SLC7A8: variants seen among roughly 807,000 people sequenced by gnomAD.
The protein encoded by SLC7A8 is solute carrier family 7 member 8.
In SLC7A8, 30 loss-of-function variants were observed where a neutral mutation model predicts 51.2. The ratio of observed to expected loss-of-function variants is 0.59; its 90% CI spans 0.44 to 0.80. SLC7A8 has a LOEUF of 0.80. Among genes scored for constraint, SLC7A8 ranks in the 30% least tolerant of loss-of-function variants. The pLI is 0.00. For missense variants in SLC7A8, 612 were observed against 674.4 expected (o/e 0.91, Z 1.03); for synonymous variants, 257 against 275.8 (o/e 0.93, Z 0.67).
Position 23,126,786 on chromosome 14 carries a change from C to T in SLC7A8, c.*391G>A, listed in dbSNP as rs1008964379. ...AGAATTGCTTGAGCCTGTCCCCCCA[C>T]AATGCAGCTCCTGTGGCCTCTCCTC... On this transcript the variant is annotated 3_prime_UTR_variant, in exon 11 of 11. Coordinates refer to ENST00000316902, the MANE Select transcript of SLC7A8 (RefSeq NM_012244.4). 2 of 250,428 alleles carry T rather than the reference C, an allele frequency of 8.0e-6. No individual in the cohort carries two copies. The highest frequency in any genetic ancestry group is 1.6e-5 in the Non-Finnish European group (2 of 126,592). 15.5% of individuals were successfully genotyped at this position (250,428 alleles called of 1,614,324 possible).
At chr14:23,158,630 C>T (rs2048906300) in intron 3 of SLC7A8, among the ~76,000 whole-genome samples, 1 of 152,250 alleles carries the variant, frequency 6.6e-6, no homozygotes. Flanking sequence ...AGGCGTAAGC[C>T]ACCGCGCCCG....
Position 23,139,426 on chromosome 14 carries a change from C to G in SLC7A8, c.910G>C (p.Val304Leu), listed in dbSNP as rs752867331. The G allele has an allele frequency of 1.2e-6, 2 of 1,613,880 alleles. No homozygotes were observed. The highest frequency in any genetic ancestry group is 1.7e-6 in the Non-Finnish European group (2 of 1,179,922). ...QELLASNAVA[V>L]TFGEKLLGVM... is the part of the protein sequence containing the mutation. ...ACTCTGGGACTTTCATTTCTTACCACAGCGACGGCGTTGGATGCCAGCAGC... is the reference window on the plus strand; with the variant it reads ...ACTCTGGGACTTTCATTTCTTACCAGAGCGACGGCGTTGGATGCCAGCAGC... Residue 304 changes from valine to leucine, a missense_variant and splice_region_variant, in exon 6 of 11, where the codon GTG becomes CTG. Physicochemically the swap from Val to Leu is conservative, Grantham distance 32 (BLOSUM62 1). Coordinates refer to ENST00000316902, the MANE Select transcript of SLC7A8 (RefSeq NM_012244.4).
intron 3 of SLC7A8, among the ~76,000 whole-genome samples, chr14:23,150,752 C>T (rs942131638): frequency 5.3e-5 from 8 of 152,100 alleles, no homozygotes; most frequent in Non-Finnish European, 1.0e-4. Context: ...AGCAGAGTGG[C>T]GGGGAATGGG....
intron 1 of SLC7A8, among the ~76,000 whole-genome samples, chr14:23,181,020 C>A (rs1417452818): frequency 1.3e-5 from 2 of 150,690 alleles, no homozygotes; most frequent in Non-Finnish European, 3.0e-5. Flanking sequence ...GAGCGAGACT[C>A]CGTCTGAACA....
At chr14:23,129,085 C>T (rs2140300172) in intron 9 of SLC7A8, among the ~76,000 whole-genome samples, 1 of 152,264 alleles carries the variant, frequency 6.6e-6, no homozygotes, top group African/African-American at 2.4e-5. Context: ...CCTTTAATTC[C>T]TATCACAGAG....
intron 3 of SLC7A8, among the ~76,000 whole-genome samples, chr14:23,143,829 C>T (rs1038081872): frequency 1.3e-5 from 2 of 152,168 alleles, no homozygotes; most frequent in African/African-American, 4.8e-5. Context: ...CTTCCCCTAC[C>T]TCTACAACCA....
intron 1 of SLC7A8, 52 bp downstream of exon 1, chr14:23,182,712 G>A: frequency 1.3e-6 from 2 of 1,503,652 alleles, no homozygotes; most frequent in African/African-American, 1.4e-5. Flanking sequence ...AGATCTCACA[G>A]GAGGACCACC....
chr14:23,149,637 C>T (rs774553243), intron 3 of SLC7A8, among the ~76,000 whole-genome samples: 20 of 152,170 alleles, frequency 1.3e-4, no homozygotes, highest in Admixed American at 1.2e-3. Context: ...GTGGCCCCAC[C>T]GTGTACTGTC....
intron 3 of SLC7A8, chr14:23,155,260 G>A (rs753119240): frequency 1.2e-4 from 183 of 1,536,054 alleles, no homozygotes; most frequent in Non-Finnish European, 1.5e-4. Flanking sequence ...ACCAGCAGAG[G>A]AGGAGGGTGC....
rs997553163 is a variant in SLC7A8, at chr14:23,165,240, T to C, written c.508+45A>G. On this transcript the variant is annotated intron_variant, in intron 3 of 10. Transcript: ENST00000316902. This position sits in a 1 kb window ranked among gnomAD's most constrained non-coding sequence, Gnocchi z 4.2. ...TTTCTAAAAATAATAATAATAAATA[T>C]AATAAAAGAGGCTGTCTTGCTACCA... The C allele has an allele frequency of 6.6e-7, 1 of 1,506,244 alleles. No individual in the cohort carries two copies. The highest frequency in any genetic ancestry group is 8.9e-7 in the Non-Finnish European group (1 of 1,129,606). 93.3% of individuals were successfully genotyped at this position (1,506,244 alleles called of 1,614,324 possible).
chr14:23,139,596 G>GC (rs756407169), intron 5 of SLC7A8, 49 bp from the exon 6 acceptor site: 47 of 1,584,194 alleles, frequency 3.0e-5, no homozygotes, highest in Non-Finnish European at 4.0e-5. Context: ...CGGGACACCC[G>GC]CCTTGCCATG....
chr14:23,156,003 C>CTT (rs556425559), intron 3 of SLC7A8, among the ~76,000 whole-genome samples: 10,830 of 145,396 alleles, frequency 0.074, 821 homozygotes, highest in African/African-American at 0.19. Flanking sequence ...CTTTTCTTTT[C>CTT]TTTTTTTTTT....
intron 3 of SLC7A8, among the ~76,000 whole-genome samples, chr14:23,158,836 A>G (rs769410136): frequency 3.9e-5 from 6 of 152,150 alleles, no homozygotes; most frequent in Non-Finnish European, 7.4e-5. Context: ...TTCTTAGTTC[A>G]GGCTACCATC....
chr14:23,140,718 T>A, intron 4 of SLC7A8, 94 bp from the exon 5 acceptor site: 1 of 1,234,272 alleles, frequency 8.1e-7, no homozygotes, highest in Non-Finnish European at 1.1e-6. Flanking sequence ...CCCCTCCCTG[T>A]GGCAATGACA....
chr14:23,134,979 C>T (rs1383398854), intron 7 of SLC7A8, among the ~76,000 whole-genome samples: 1 of 152,236 alleles, frequency 6.6e-6, no homozygotes, highest in African/African-American at 2.4e-5. Flanking sequence ...GTTGCCCAGG[C>T]TGGTCTGGAA....
At chr14:23,182,536 T>C (rs1877227263) in intron 1 of SLC7A8, among the ~76,000 whole-genome samples, 1 of 152,138 alleles carries the variant, frequency 6.6e-6, no homozygotes, top group South Asian at 2.1e-4. Context: ...CACGATTTGC[T>C]CCATTCTATG....
chr14:23,177,633 G>A (rs995933390), intron 1 of SLC7A8, among the ~76,000 whole-genome samples: 1 of 152,192 alleles, frequency 6.6e-6, no homozygotes, highest in Non-Finnish European at 1.5e-5. Flanking sequence ...GTACCTAAAT[G>A]GCCAGGAACT....
At chr14:23,139,620 G>T in intron 5 of SLC7A8, 73 bp from the exon 6 acceptor site, 1 of 1,530,574 alleles carries the variant, frequency 6.5e-7, no homozygotes, top group Non-Finnish European at 8.8e-7. Flanking sequence ...TCCAGGGGGT[G>T]TCTTCTGTCT....
At chr14:23,140,943 T>C (rs1333673596) in intron 4 of SLC7A8, among the ~76,000 whole-genome samples, 25 of 152,184 alleles carry the variant, frequency 1.6e-4, no homozygotes, top group Admixed American at 1.6e-3. Context: ...ATTGGAGTCA[T>C]TGGTAATCTC....
Sources: gnomAD v4.1 joint callset for allele counts (sites outside exome capture counted in the v4.1 genomes callset) on GRCh38, gnomAD v4.1.1 for gene constraint, Gnocchi (gnomAD v3.1) non-coding constraint, MANE v1.5 for transcripts, NCBI Gene and HGNC (gene_info 2026-07-23, HGNC 2026-07-21) for gene names.